The following RSPH6A variants were observed in gnomAD, a reference collection of about 807,000 sequenced individuals.
RSPH6A encodes radial spoke head protein 6 homolog A.
Under a neutral mutation model 66.1 loss-of-function variants are expected in RSPH6A, and 49 were observed. The ratio of observed to expected loss-of-function variants is 0.74; its 90% CI spans 0.59 to 0.94. RSPH6A has a LOEUF of 0.94. Among genes scored for constraint, RSPH6A ranks in the 40% least tolerant of loss-of-function variants. The pLI, the probability that RSPH6A is intolerant of heterozygous loss-of-function variation, is 0.00. For missense variants in RSPH6A, 977 were observed against 948.3 expected, an observed-to-expected ratio of 1.03 and a Z score of -0.40; for synonymous variants, 419 against 402.4, an observed-to-expected ratio of 1.04 and a Z score of -0.49.
chr19:45,808,148 C>T (rs1970570731), intron 2 of RSPH6A, among the ~76,000 whole-genome samples: 3 of 152,144 alleles, frequency 2.0e-5, no homozygotes, highest in South Asian at 2.1e-4. Flanking sequence ...TAGATGTGGG[C>T]GGGCGCCATG....
chr19:45,811,029 C>G (rs1253406752), intron 1 of RSPH6A, 189 bp from the exon 2 acceptor site: 1 of 446,614 alleles, frequency 2.2e-6, no homozygotes, highest in Non-Finnish European at 3.9e-6. Context: ...GAGTCTTGCT[C>G]TGTTGCTCAG....
In RSPH6A at chr19:45,815,091, C is replaced by G. The variant is rs765817224; in HGVS notation, c.86G>C (p.Ser29Thr). The change falls in exon 1 of 6, where the codon AGT becomes ACT. Residue 29 changes from serine (S) to threonine (T), a missense_variant. Physicochemically the swap from Ser to Thr is moderately conservative, Grantham distance 58. Transcript: ENST00000221538. ...TGCCAGGGCCTGAGCTTGGTCCCGACTGTGCCGCCTCTGGGAGGCCTGAGA... is the reference window on the plus strand; with the variant it reads ...TGCCAGGGCCTGAGCTTGGTCCCGAGTGTGCCGCCTCTGGGAGGCCTGAGA... ...RTSQASQRRH[S>T]RDQAQALAAD... is the part of the protein sequence containing the mutation. The G allele has an allele frequency of 6.2e-7, 1 of 1,613,264 alleles. No homozygotes were observed. The highest frequency in any genetic ancestry group is 1.1e-5 in the South Asian group (1 of 91,074).
chr19:45,802,293 G>A, intron 3 of RSPH6A, 29 bp from the exon 4 acceptor site: 2 of 1,336,322 alleles, frequency 1.5e-6, no homozygotes, highest in Non-Finnish European at 1.9e-6. Flanking sequence ...TCAGGTGATG[G>A]CCCCAGTGCA....
chr19:45,800,308 T>C (rs1464437433), intron 5 of RSPH6A, 138 bp downstream of exon 5: 1 of 688,328 alleles, frequency 1.5e-6, no homozygotes, highest in Non-Finnish European at 2.5e-6. Flanking sequence ...TCCTAGGAGC[T>C]ATGAGGGCAT....
At chr19:45,802,288 T>G (rs1424633702) in intron 3 of RSPH6A, 24 bp from the exon 4 acceptor site, 1 of 1,346,558 alleles carries the variant, frequency 7.4e-7, no homozygotes, top group Non-Finnish European at 9.7e-7. Flanking sequence ...GAAGCTCAGG[T>G]GATGGCCCCA....
At chr19:45,812,555 G>C (rs1173216945) in intron 1 of RSPH6A, among the ~76,000 whole-genome samples, 1 of 152,140 alleles carries the variant, frequency 6.6e-6, no homozygotes, top group African/African-American at 2.4e-5. Context: ...CTCAGGAAGA[G>C]AGCCTGAAGC....
At chr19:45,814,031 C>T (rs1281865472) in intron 1 of RSPH6A, among the ~76,000 whole-genome samples, 3 of 152,002 alleles carry the variant, frequency 2.0e-5, no homozygotes, top group Admixed American at 6.6e-5. Context: ...AAGTGGAGCG[C>T]GCCTGTAACC....
intron 1 of RSPH6A, among the ~76,000 whole-genome samples, chr19:45,811,743 G>GTATTAT (rs59665443): frequency 1.2e-3 from 142 of 118,460 alleles, no homozygotes; most frequent in Admixed American, 3.5e-3. Context: ...GCCAACATTT[G>GTATTAT]TATTATTATT....
intron 5 of RSPH6A, 89 bp downstream of exon 5, chr19:45,800,357 C>T: frequency 8.5e-7 from 1 of 1,171,308 alleles, no homozygotes. Context: ...CTCCCCATCT[C>T]TGCCCACCCT....
Position 45,795,887 on chromosome 19 carries a change from G to GCCCTCCTCCTCCTCCTCA in RSPH6A, c.2135_2136insTGAGGAGGAGGAGGAGGG (p.Glu707_Gly712dup), listed in dbSNP as rs754267534. 1 of 1,604,712 alleles carries GCCCTCCTCCTCCTCCTCA rather than the reference G, an allele frequency of 6.2e-7. No individual in the cohort carries two copies. The highest frequency in any genetic ancestry group is 1.7e-5 in the Admixed American group (1 of 59,502). The stretch of plus-strand genomic sequence containing the variant: ...GTGGGCCTCAGTCATCTGTCTCCTC[G>GCCCTCCTCCTCCTCCTCA]CCCTCCTCCTCCTCCTCGCCCTCCT... On this transcript the variant is annotated inframe_insertion, in exon 6 of 6. Coordinates refer to ENST00000221538, the MANE Select transcript of RSPH6A (RefSeq NM_030785.4).
At chr19:45,803,993 C>CAAAAAAA (rs55863032) in intron 3 of RSPH6A, among the ~76,000 whole-genome samples, 7 of 103,518 alleles carry the variant, frequency 6.8e-5, no homozygotes, top group African/African-American at 1.4e-4. Flanking sequence ...GACTCTGTCT[C>CAAAAAAA]AAAAAAAAAA....
intron 1 of RSPH6A, 109 bp from the exon 2 acceptor site, chr19:45,810,949 C>CTTTTCAGT: frequency 1.3e-6 from 1 of 745,332 alleles, no homozygotes; most frequent in Non-Finnish European, 2.2e-6. Flanking sequence ...CAGTAGGGAA[C>CTTTTCAGT]TGAAAAGGTC....
chr19:45,813,285 C>T (rs951510492), intron 1 of RSPH6A, among the ~76,000 whole-genome samples: 2 of 152,068 alleles, frequency 1.3e-5, no homozygotes, highest in East Asian at 3.9e-4. Context: ...AGATGCTCTC[C>T]CTCGACTCCT....
chr19:45,810,505 GCTGT>G (rs1274089717), intron 2 of RSPH6A, 94 bp downstream of exon 2: 7 of 1,122,030 alleles, frequency 6.2e-6, no homozygotes, highest in Non-Finnish European at 6.7e-6. Context: ...ATTGTGCAAT[GCTGT>G]CTTTCGCCTC....
At chr19:45,814,041 C>T (rs1381061247) in intron 1 of RSPH6A, among the ~76,000 whole-genome samples, 1 of 152,056 alleles carries the variant, frequency 6.6e-6, no homozygotes, top group Non-Finnish European at 1.5e-5. Context: ...CGCCTGTAAC[C>T]CCAACTACTC....
At chr19:45,799,509 C>T (rs918757101) in intron 5 of RSPH6A, among the ~76,000 whole-genome samples, 1 of 151,938 alleles carries the variant, frequency 6.6e-6, no homozygotes, top group African/African-American at 2.4e-5. Context: ...CTCTGTAGTC[C>T]GTGCCATCAT....
chr19:45,811,689 G>A (rs1238069762), intron 1 of RSPH6A, among the ~76,000 whole-genome samples: 3 of 151,070 alleles, frequency 2.0e-5, no homozygotes, highest in East Asian at 3.9e-4. Flanking sequence ...ACCTTCTTCC[G>A]CCTCCCAAAG....
rs554314895 is a variant in RSPH6A at position 45,805,069 on chromosome 19, T to C, written c.889-53A>G. The C allele has an allele frequency of 8.9e-5, 129 of 1,455,670 alleles. 3 individuals carry two copies. The South Asian group carries it at 1.5e-3, about 17-fold the overall frequency. 90.2% of individuals were successfully genotyped at this position (1,455,670 alleles called of 1,614,324 possible). A position where few individuals can be genotyped will look rare whatever the true frequency, so the allele number is the denominator to read the frequency against. On this transcript the variant is annotated intron_variant, in intron 2 of 5. Coordinates refer to ENST00000221538, the MANE Select transcript of RSPH6A (RefSeq NM_030785.4). ...GGGAGAATGCTGAAGCTCTGCTCCC[T>C]AGCCTACCTCTTCCAGACTCTTCTA...
intron 1 of RSPH6A, among the ~76,000 whole-genome samples, chr19:45,811,475 T>C (rs1450884660): frequency 6.6e-6 from 1 of 152,128 alleles, no homozygotes; most frequent in Non-Finnish European, 1.5e-5. Flanking sequence ...TCTCGCTGTG[T>C]TGCCCAGGCT....
Sources: gnomAD v4.1 joint callset for allele counts (sites outside exome capture counted in the v4.1 genomes callset) on GRCh38, gnomAD v4.1.1 for gene constraint, MANE v1.5 for transcripts, NCBI Gene and HGNC (gene_info 2026-07-23, HGNC 2026-07-21) for gene names.